LRP5: variants seen among roughly 807,000 people sequenced by gnomAD.
LRP5 encodes the protein LDL receptor related protein 5, also known as low-density lipoprotein receptor-related protein 5.
In LRP5, 62 loss-of-function variants were observed where a neutral mutation model predicts 154.1. That is an observed-to-expected ratio of 0.40 (90% CI 0.33 to 0.50). LRP5 has a LOEUF of 0.50. Ranked by LOEUF, LRP5 falls within the 20% of genes least tolerant of loss-of-function variation. LRP5 has a pLI of 0.55. For missense variants in LRP5, 1,915 were observed against 2,336.7 expected (o/e 0.82, Z 3.72); for synonymous variants, 966 against 1,011.5 (o/e 0.96, Z 0.85).
chr11:68,339,163 C>T (rs191032388), intron 1 of LRP5, among the ~76,000 whole-genome samples: 124 of 151,810 alleles, frequency 8.2e-4, no homozygotes, highest in Admixed American at 3.9e-3. Context: ...TGTAAGACAC[C>T]GCGTCGGGCC....
intron 9 of LRP5, among the ~76,000 whole-genome samples, chr11:68,407,849 G>GA (rs1231829410): frequency 2.0e-5 from 3 of 149,870 alleles, no homozygotes; most frequent in Admixed American, 6.7e-5. Flanking sequence ...CTCCGTCTCA[G>GA]AAAAAAAAAA....
intron 16 of LRP5, 48 bp downstream of exon 16, chr11:68,426,235 AC>A: frequency 1.3e-6 from 2 of 1,534,872 alleles, no homozygotes; most frequent in Non-Finnish European, 1.8e-6. Context: ...TCTAAACCCG[AC>A]CCCTGGAGGA....
At chr11:68,396,165 A>T (rs1175703631) in intron 7 of LRP5, among the ~76,000 whole-genome samples, 1 of 151,998 alleles carries the variant, frequency 6.6e-6, no homozygotes, top group East Asian at 1.9e-4. Flanking sequence ...CTCCTTGAGG[A>T]TGCAGTTGGA....
chr11:68,398,037 CTTT>C (rs1255634832), intron 7 of LRP5, among the ~76,000 whole-genome samples: 7 of 150,038 alleles, frequency 4.7e-5, no homozygotes, highest in African/African-American at 1.7e-4. Flanking sequence ...TGTATAAGAT[CTTT>C]TTTTATTACA....
At chr11:68,410,710 C>T (rs2098658961) in intron 10 of LRP5, among the ~76,000 whole-genome samples, 1 of 152,192 alleles carries the variant, frequency 6.6e-6, no homozygotes, top group African/African-American at 2.4e-5. Flanking sequence ...CTGCCTTGGG[C>T]ACGGGGTTCA....
At chr11:68,368,831 T>C (rs1443446755) in intron 5 of LRP5, among the ~76,000 whole-genome samples, 1 of 151,400 alleles carries the variant, frequency 6.6e-6, no homozygotes, top group Non-Finnish European at 1.5e-5. Context: ...AAGACATGAG[T>C]TTTAGTGAAG....
chr11:68,374,071 C>T (rs1160667262), intron 5 of LRP5, among the ~76,000 whole-genome samples: 2 of 146,518 alleles, frequency 1.4e-5, no homozygotes, highest in South Asian at 4.1e-4. Context: ...CTCACCCAGA[C>T]AGAGTTTTAA....
rs144340874 is a variant in LRP5, at chr11:68,407,730, G to A, written c.2091+917G>A. On this transcript the variant is annotated intron_variant, in intron 9 of 22. Transcript: ENST00000294304. The stretch of plus-strand genomic sequence containing the variant: ...GGCATGGCGGCGCCTGCCTGTAATC[G>A]CAGCTACTCAGGAGGCTGAAGCAGG... 6.2e-3 allele frequency among the ~76,000 whole-genome samples: 938 copies of A among 151,940 alleles called. 11 individuals are homozygous for A. The highest frequency in any genetic ancestry group is 0.021 in the African/African-American group (886 of 41,448).
intron 1 of LRP5, among the ~76,000 whole-genome samples, chr11:68,316,731 T>C (rs1391546957): frequency 6.6e-6 from 1 of 151,996 alleles, no homozygotes; most frequent in Non-Finnish European, 1.5e-5. Context: ...AGGTGGCTGG[T>C]GGGAGGATCT....
intron 11 of LRP5, 131 bp downstream of exon 11, chr11:68,411,751 C>T (rs879004231): frequency 8.4e-6 from 8 of 954,672 alleles, no homozygotes; most frequent in Non-Finnish European, 1.1e-5. Flanking sequence ...GCCACACCCA[C>T]GACTGCCCAG....
intron 14 of LRP5, among the ~76,000 whole-genome samples, chr11:68,424,033 C>A (rs1200989123): frequency 6.6e-6 from 1 of 152,224 alleles, no homozygotes; most frequent in Non-Finnish European, 1.5e-5. Context: ...CCTGTTGACT[C>A]GCTCCTGTTC....
rs934957596 is a variant in LRP5, at chr11:68,395,224, C to G, written c.1584+5172C>G. Among the ~76,000 whole-genome samples the G allele has an allele frequency of 3.3e-5, 5 of 149,966 alleles. No homozygotes were observed. The East Asian group carries it at 9.9e-4, about 30-fold the overall frequency. On this transcript the variant is annotated intron_variant, in intron 7 of 22. Transcript: ENST00000294304. ...GCTGAGGCAGGAGAATTGCTTAAAC[C>G]TGGGAGGCGGAGGTTGCAGTGAGCC...
intron 2 of LRP5, among the ~76,000 whole-genome samples, chr11:68,354,249 A>G (rs1377851702): frequency 6.6e-6 from 1 of 152,224 alleles, no homozygotes; most frequent in Non-Finnish European, 1.5e-5. Flanking sequence ...GGCTTGTGGT[A>G]GCGTTTGAGA....
intron 1 of LRP5, among the ~76,000 whole-genome samples, chr11:68,343,324 G>C (rs1466055597): frequency 6.6e-6 from 1 of 152,194 alleles, no homozygotes; most frequent in East Asian, 1.9e-4. Context: ...GGTCCACCCT[G>C]GTAGGGGGAC....
In LRP5 at chr11:68,396,481, T is replaced by C. The variant is rs1440214086; in HGVS notation, c.1584+6429T>C. Among the ~76,000 whole-genome samples the C allele has an allele frequency of 2.0e-5, 3 of 152,134 alleles. No homozygotes were observed. In the East Asian group the frequency reaches 5.8e-4, roughly 29 times the overall value. ...CCTTTGAACACAATCAGGCTCCAGGTTTTCAGCATCCAGTGCATGAGAGGA... is the reference window on the plus strand; with the variant it reads ...CCTTTGAACACAATCAGGCTCCAGGCTTTCAGCATCCAGTGCATGAGAGGA... On this transcript the variant is annotated intron_variant, in intron 7 of 22. Coordinates refer to ENST00000294304, the MANE Select transcript of LRP5 (RefSeq NM_002335.4).
chr11:68,420,573 G>A lies in LRP5; in HGVS notation c.3028-2916G>A, dbSNP rs141094371. ...TACAAAATTAGCTGGGTGTGGTGGC[G>A]CGCACCTGTAATCCCAGTTACTCAG... is the stretch of plus-strand genomic sequence containing the variant. On this transcript the variant is annotated intron_variant, in intron 13 of 22. Transcript: ENST00000294304. 4.8e-3 allele frequency among the ~76,000 whole-genome samples: 727 copies of A among 152,066 alleles called. 4 individuals carry two copies. The highest frequency in any genetic ancestry group is 7.4e-3 in the Non-Finnish European group (504 of 67,992).
chr11:68,399,928 G>A (rs1392734492), intron 7 of LRP5, among the ~76,000 whole-genome samples: 1 of 152,224 alleles, frequency 6.6e-6, no homozygotes, highest in East Asian at 1.9e-4. Flanking sequence ...CCAGTTGGCC[G>A]GGTCCACCGG....
chr11:68,346,879 C>T (rs1464573776), intron 1 of LRP5, among the ~76,000 whole-genome samples: 1 of 152,214 alleles, frequency 6.6e-6, no homozygotes, highest in Non-Finnish European at 1.5e-5. Flanking sequence ...GGTTGCTGGA[C>T]CCTCCTGGTC....
In LRP5 at chr11:68,342,155, G is replaced by T. The variant is rs559127220; in HGVS notation, c.92-5692G>T. Among the ~76,000 whole-genome samples the T allele has an allele frequency of 2.2e-4, 34 of 151,922 alleles. No individual in the cohort carries two copies. In the South Asian group the frequency reaches 6.4e-3, roughly 29 times the overall value. ...TGCCCAGGCTGGTCTTGAACTCCTG[G>T]CCTGAGATGATCCTCTCTCCTCGGA... On this transcript the variant is annotated intron_variant, in intron 1 of 22. Transcript: ENST00000294304.
Sources: gnomAD v4.1 joint callset for allele counts (sites outside exome capture counted in the v4.1 genomes callset) on GRCh38, gnomAD v4.1.1 for gene constraint, MANE v1.5 for transcripts, NCBI Gene and HGNC (gene_info 2026-07-23, HGNC 2026-07-21) for gene names.